The following UBTF variants were observed in gnomAD, a reference collection of about 807,000 sequenced individuals.
UBTF encodes upstream binding transcription factor.
UBTF carries 8 observed loss-of-function variants against 112.3 expected under a neutral mutation model. The observed-to-expected ratio is 0.07, with a 90% CI of 0.04 to 0.13. The LOEUF (loss-of-function observed/expected upper bound fraction) is 0.13, where lower values mean the gene tolerates loss of function less well. UBTF is among the 10% of genes least tolerant of loss of function. The pLI is 1.00. For missense variants in UBTF, 457 were observed against 982.1 expected (o/e 0.47, Z 7.15); for synonymous variants, 417 against 373.1 (o/e 1.12, Z -1.36).
At chr17:44,210,541 C>G in intron 13 of UBTF, 68 bp from the exon 14 acceptor site, 1 of 1,470,516 alleles carries the variant, frequency 6.8e-7, no homozygotes, top group Non-Finnish European at 8.9e-7. Flanking sequence ...CGCGCAGCAG[C>G]CCAGGCGCTC....
chr17:44,220,721 G>C (rs1027841637), upstream of UBTF: 1 of 151,422 alleles, frequency 6.6e-6, no homozygotes, highest in Non-Finnish European at 1.5e-5. Context: ...CGAAATCCGC[G>C]GCTCCCGGGC....
At chr17:44,215,613 C>A (rs2046809962) in intron 5 of UBTF, 41 bp downstream of exon 5, 3 of 1,609,166 alleles carry the variant, frequency 1.9e-6, no homozygotes, top group South Asian at 1.1e-5. Context: ...CAGCTGCTCC[C>A]AGCCTCTCCC....
Position 44,211,071 on chromosome 17 carries a change from C to T in UBTF, c.1171G>A (p.Ala391Thr), listed in dbSNP as rs374657112. 16 of 1,612,486 alleles carry T rather than the reference C, an allele frequency of 9.9e-6. No homozygotes were observed. Among genetic ancestry groups the T allele is most frequent in the Non-Finnish European group, 1.4e-5 (16 of 1,179,864 alleles). Residue 391 changes from alanine (A) to threonine (T), a missense_variant, in exon 12 of 21, where the codon GCC (alanine) becomes ACC (threonine). Around this residue, in one of 7 missense-constraint regions of UBTF, gnomAD observed 108 missense variants for 137.4 expected, o/e 0.79. Transcript: ENST00000436088. The surrounding 1 kb of genome is among the most constrained non-coding windows in gnomAD (Gnocchi z 4.9). ...NINKKQATSP[A>T]SKKPAQEGGK... Reference sequence around the variant, plus strand: ...CCTTCCTGGGCTGGCTTCTTGGAGGCGGGGCTGGTGGCCTGCTTCTTGTTG... The same window carrying T: ...CCTTCCTGGGCTGGCTTCTTGGAGGTGGGGCTGGTGGCCTGCTTCTTGTTG...
At chr17:44,210,547 C>G in intron 13 of UBTF, 74 bp from the exon 14 acceptor site, 1 of 1,464,306 alleles carries the variant, frequency 6.8e-7, no homozygotes, top group Non-Finnish European at 8.9e-7. Flanking sequence ...GCAGCCCAGG[C>G]GCTCCCGCCG....
rs1178473771 is a variant in UBTF, at chr17:44,207,531, C to T, written c.2092G>A (p.Glu698Lys). Residue 698 changes from glutamate to lysine, a missense_variant, in exon 20 of 21, where the codon GAG becomes AAG. Physicochemically the swap from Glu to Lys is moderately conservative, Grantham distance 56. Transcript: ENST00000436088. ...CCATCTTCAGAGGAGTCCCCATTCT[C>T]ATCATCTTCCTCTTCTTCATCCTCG... ...EDEDEEEEDDENGDSSEDGGD... is the reference protein window; with the variant it reads ...EDEDEEEEDDKNGDSSEDGGD... The T allele has an allele frequency of 6.2e-7, 1 of 1,614,112 alleles. No individual in the cohort carries two copies. The highest frequency in any genetic ancestry group is 1.7e-5 in the Admixed American group (1 of 60,022).
At chr17:44,214,431 G>A (rs1306802032) in intron 5 of UBTF, among the ~76,000 whole-genome samples, 1 of 152,198 alleles carries the variant, frequency 6.6e-6, no homozygotes, top group African/African-American at 2.4e-5. Flanking sequence ...GCAGAGCCAG[G>A]AGAACAGGCC....
At chr17:44,220,751 A>T (rs1381796239), upstream of UBTF, 2 of 151,462 alleles carry the variant, frequency 1.3e-5, no homozygotes, top group African/African-American at 2.4e-5. Flanking sequence ...GAGCGTGTGG[A>T]TGGGAGCGCA....
Position 44,207,089 on chromosome 17 carries a change from A to G in UBTF, c.*153T>C. ...CTGGCCTGGGCTCCTCCAGCCCCCT[A>G]CCCCCACCGTATTTTTTTTTTTTTT... On this transcript the variant is annotated 3_prime_UTR_variant, in exon 21 of 21. Transcript: ENST00000436088. 1 of 845,702 alleles carries G rather than the reference A, an allele frequency of 1.2e-6. No individual in the cohort carries two copies. The allele number at this position is 845,702 out of a possible 1,614,324, so 52.4% of individuals were successfully genotyped here.
chr17:44,219,792 A>AGGG (rs2047079145), upstream of UBTF: 1 of 122,624 alleles, frequency 8.2e-6, no homozygotes, highest in African/African-American at 3.0e-5. Flanking sequence ...AGGAGGGAGA[A>AGGG]GGGAGGAGGA....
chr17:44,216,922 G>C (rs2046873343), intron 2 of UBTF, among the ~76,000 whole-genome samples: 1 of 152,190 alleles, frequency 6.6e-6, no homozygotes, highest in African/African-American at 2.4e-5. Flanking sequence ...TACCTAGAAA[G>C]CCAGGCTCGA....
Position 44,218,178 on chromosome 17 carries a change from C to G in UBTF, c.52G>C (p.Gly18Arg). Residue 18 changes from glycine (G) to arginine (R), a missense_variant, in exon 2 of 21, where the codon GGC (glycine) becomes CGC (arginine). By Grantham distance (125) the Gly-to-Arg change is moderately radical. This residue lies in a region of UBTF where 20 missense variants were observed against 29.1 expected (regional missense o/e 0.69). Transcript: ENST00000436088. Reference protein sequence around the residue: ...PTDLEMAAPKGQDRWSQEDML... With the variant: ...PTDLEMAAPKRQDRWSQEDML... ...CGGGGGTGGATGCCCCTACCTTGGC[C>G]TTTGGGGGCGGCCATTTCCAGGTCT... is the stretch of plus-strand genomic sequence containing the variant. The G allele has an allele frequency of 6.2e-7, 1 of 1,612,882 alleles. No individual in the cohort carries two copies. The highest frequency in any genetic ancestry group is 8.5e-7 in the Non-Finnish European group (1 of 1,179,710).
rs886128047 is a variant in UBTF, at chr17:44,207,086, C to T, written c.*156G>A. The T allele has an allele frequency of 7.0e-6, 6 of 858,084 alleles. No homozygotes were observed. The Admixed American group carries it at 1.1e-4, about 16-fold the overall frequency. The allele number at this position is 858,084 out of a possible 1,614,324, so 53.2% of individuals were successfully genotyped here. On this transcript the variant is annotated 3_prime_UTR_variant, in exon 21 of 21. Transcript: ENST00000436088. Reference sequence around the variant, plus strand: ...GTCCTGGCCTGGGCTCCTCCAGCCCCCTACCCCCACCGTATTTTTTTTTTT... The same window carrying T: ...GTCCTGGCCTGGGCTCCTCCAGCCCTCTACCCCCACCGTATTTTTTTTTTT...
chr17:44,219,347 G>A (rs1196341646), intron 1 of UBTF, 98 bp downstream of exon 1: 1 of 151,142 alleles, frequency 6.6e-6, no homozygotes, highest in South Asian at 2.1e-4. Flanking sequence ...CCTGCTCGGT[G>A]GTCGCTTCGG....
chr17:44,218,696 C>G (rs2144558600), intron 1 of UBTF, among the ~76,000 whole-genome samples: 1 of 151,154 alleles, frequency 6.6e-6, no homozygotes, highest in Non-Finnish European at 1.5e-5. Flanking sequence ...GTAAAGGGCG[C>G]GCGCGGCCAC....
intron 5 of UBTF, among the ~76,000 whole-genome samples, chr17:44,213,800 G>C (rs2046702549): frequency 6.6e-6 from 1 of 152,134 alleles, no homozygotes; most frequent in Non-Finnish European, 1.5e-5. Context: ...GGGGAACCCA[G>C]AGCGAGTTCT....
At chr17:44,213,160 T>C in intron 6 of UBTF, 58 bp downstream of exon 6, 3 of 1,590,334 alleles carry the variant, frequency 1.9e-6, no homozygotes, top group South Asian at 1.1e-5. Context: ...TGGCCAGGGT[T>C]AGCCTATTCT....
chr17:44,220,195 A>G (rs1180130715), upstream of UBTF, among the ~76,000 whole-genome samples: 14 of 151,244 alleles, frequency 9.3e-5, no homozygotes, highest in African/African-American at 3.2e-4. Context: ...CCCGCGGGGG[A>G]ACTAGCAGGC....
chr17:44,217,945 G>C (rs2046929302), intron 2 of UBTF, among the ~76,000 whole-genome samples: 1 of 152,202 alleles, frequency 6.6e-6, no homozygotes, highest in Non-Finnish European at 1.5e-5. Context: ...CTCTAACACA[G>C]AGGGTGAGGG....
chr17:44,214,181 C>T (rs1329511536), intron 5 of UBTF, among the ~76,000 whole-genome samples: 1 of 152,240 alleles, frequency 6.6e-6, no homozygotes, highest in African/African-American at 2.4e-5. Context: ...CTCATGGCAA[C>T]TGAGCCCAAC....
Sources: allele counts gnomAD v4.1 joint callset (sites outside exome capture counted in the v4.1 genomes callset), GRCh38; gene constraint gnomAD v4.1.1; regional missense constraint gnomAD v4.1.1; non-coding constraint Gnocchi (gnomAD v3.1); transcripts MANE v1.5; gene names NCBI Gene and HGNC (gene_info 2026-07-23, HGNC 2026-07-21).